Variants in LIPC observed in about 807,000 individuals in gnomAD.
LIPC encodes hepatic triacylglycerol lipase.
In LIPC, 44 loss-of-function variants were observed where a neutral mutation model predicts 50.7. The ratio of observed to expected loss-of-function variants is 0.87; its 90% CI spans 0.68 to 1.11. LIPC has a LOEUF of 1.11. LIPC is among the 50% of genes most tolerant of loss of function. LIPC has a pLI of 0.00. For synonymous variants in LIPC, 271 were observed against 256.4 expected, an observed-to-expected ratio of 1.06 and a Z score of -0.54; for missense variants, 697 against 648.2, an observed-to-expected ratio of 1.08 and a Z score of -0.82.
At chr15:58,490,301 C>T (rs1891541570) in intron 1 of LIPC, among the ~76,000 whole-genome samples, 1 of 152,174 alleles carries the variant, frequency 6.6e-6, no homozygotes, top group Admixed American at 6.5e-5. Context: ...GAGCCGGTCA[C>T]CTCCATAAGG....
intron 1 of LIPC, among the ~76,000 whole-genome samples, chr15:58,455,260 T>C (rs1210297936): frequency 2.6e-5 from 4 of 152,234 alleles, no homozygotes; most frequent in South Asian, 2.1e-4. Flanking sequence ...TTGTAGGCCA[T>C]AGGTGTCTGT....
chr15:58,536,232 G>A (rs1316702797), intron 1 of LIPC, among the ~76,000 whole-genome samples: 1 of 152,178 alleles, frequency 6.6e-6, no homozygotes, highest in Admixed American at 6.5e-5. Flanking sequence ...AGAGCAGGAG[G>A]TGAGGTGCAA....
chr15:58,539,257 G>A (rs1273553971), intron 2 of LIPC, among the ~76,000 whole-genome samples: 1 of 152,210 alleles, frequency 6.6e-6, no homozygotes, highest in Non-Finnish European at 1.5e-5. Flanking sequence ...TCCATTTCAA[G>A]TTTACACAAT....
chr15:58,433,486 C>G (rs916746785), intron 1 of LIPC, among the ~76,000 whole-genome samples: 17 of 152,182 alleles, frequency 1.1e-4, no homozygotes, highest in Non-Finnish European at 2.4e-4. Context: ...TGGCTTCTTT[C>G]GTTCGACATT....
At chr15:58,541,625 C>A in intron 2 of LIPC, 160 bp from the exon 3 acceptor site, 3 of 741,652 alleles carry the variant, frequency 4.0e-6, no homozygotes, top group Non-Finnish European at 4.7e-6. Context: ...CCAAGACAGC[C>A]CCCACAACAA....
At chr15:58,437,387 GA>G (rs559184800) in intron 1 of LIPC, among the ~76,000 whole-genome samples, 72 of 147,744 alleles carry the variant, frequency 4.9e-4, no homozygotes, top group Admixed American at 3.3e-3. Context: ...ATAATGTAGG[GA>G]AAAAAAAACA....
chr15:58,534,665 A>C (rs1303117416), intron 1 of LIPC, among the ~76,000 whole-genome samples: 1 of 152,164 alleles, frequency 6.6e-6, no homozygotes, highest in Non-Finnish European at 1.5e-5. Context: ...GGACCAAAAA[A>C]GTGTGAGTGC....
intron 1 of LIPC, among the ~76,000 whole-genome samples, chr15:58,537,392 G>A (rs951553934): frequency 6.6e-6 from 1 of 152,194 alleles, no homozygotes; most frequent in African/African-American, 2.4e-5. Context: ...ACAACAGAAG[G>A]TGATATGTTA....
chr15:58,551,324 C>A (rs1306591443), intron 6 of LIPC, among the ~76,000 whole-genome samples: 1 of 152,204 alleles, frequency 6.6e-6, no homozygotes, highest in Non-Finnish European at 1.5e-5. Context: ...CTGTTTGAAG[C>A]AGCTGCTCAT....
intron 1 of LIPC, among the ~76,000 whole-genome samples, chr15:58,453,848 C>A (rs1894008309): frequency 6.8e-6 from 1 of 147,440 alleles, no homozygotes; most frequent in Admixed American, 6.8e-5. Flanking sequence ...CATGATCATG[C>A]ACAGCAAGAC....
chr15:58,550,503 TAA>T (rs1893710789), intron 6 of LIPC, among the ~76,000 whole-genome samples: 1 of 152,132 alleles, frequency 6.6e-6, no homozygotes, highest in Non-Finnish European at 1.5e-5. Context: ...CCTTTGTTAT[TAA>T]GGAAGACCAA....
chr15:58,457,851 C>G (rs903472444), intron 1 of LIPC, among the ~76,000 whole-genome samples: 7 of 152,186 alleles, frequency 4.6e-5, no homozygotes, highest in Non-Finnish European at 7.3e-5. Flanking sequence ...TCCTTTTCCA[C>G]TCTATCCCGG....
Position 58,538,379 on chromosome 15 carries a change from G to T in LIPC, c.135G>T (p.Leu45=). The change falls in exon 2 of 9, where the codon CTG becomes CTT. Residue 45 remains leucine (L), a synonymous_variant. Coordinates refer to ENST00000299022, the MANE Select transcript of LIPC (RefSeq NM_000236.3). The part of the protein sequence containing the change: ...RAQAVETNKT[L]HEMKTRFLLF... The stretch of plus-strand genomic sequence containing the variant: ...AAGCTGTTGAAACAAACAAAACGCT[G>T]CATGAGATGAAGACCAGATTCCTGC... 6.2e-7 allele frequency: 1 copy of T among 1,614,188 alleles called. No homozygotes were observed. The highest frequency in any genetic ancestry group is 8.5e-7 in the Non-Finnish European group (1 of 1,180,022).
intron 1 of LIPC, among the ~76,000 whole-genome samples, chr15:58,505,234 C>T (rs913989169): frequency 6.6e-6 from 1 of 152,222 alleles, no homozygotes; most frequent in Non-Finnish European, 1.5e-5. Context: ...CAGGAGCAGA[C>T]GGAGGCCACA....
intron 1 of LIPC, among the ~76,000 whole-genome samples, chr15:58,518,436 T>C (rs1250134925): frequency 6.6e-6 from 1 of 152,172 alleles, no homozygotes; most frequent in Non-Finnish European, 1.5e-5. Context: ...CCACGAAACT[T>C]GGCCGTGAGA....
At chr15:58,550,715 G>C (rs1893718723) in intron 6 of LIPC, among the ~76,000 whole-genome samples, 1 of 151,992 alleles carries the variant, frequency 6.6e-6, no homozygotes, top group Non-Finnish European at 1.5e-5. Flanking sequence ...GTGAGGAGGA[G>C]GTTAAGGGCA....
intron 1 of LIPC, among the ~76,000 whole-genome samples, chr15:58,504,514 C>G (rs1892085391): frequency 6.6e-6 from 1 of 152,140 alleles, no homozygotes; most frequent in Non-Finnish European, 1.5e-5. Flanking sequence ...GAACAGCACT[C>G]AACAGGCCAA....
chr15:58,562,214 C>T (rs1894189819), intron 7 of LIPC, among the ~76,000 whole-genome samples: 1 of 152,208 alleles, frequency 6.6e-6, no homozygotes, highest in Non-Finnish European at 1.5e-5. Flanking sequence ...AGCCCGAACC[C>T]TCACGTCCCT....
At chr15:58,516,737 T>C (rs1055062954) in intron 1 of LIPC, among the ~76,000 whole-genome samples, 2 of 152,264 alleles carry the variant, frequency 1.3e-5, no homozygotes, top group African/African-American at 4.8e-5. Context: ...CCATCTTGAA[T>C]AAATGAAATA....
Sources: gnomAD v4.1 joint callset for allele counts (sites outside exome capture counted in the v4.1 genomes callset) on GRCh38, gnomAD v4.1.1 for gene constraint, MANE v1.5 for transcripts, NCBI Gene and HGNC (gene_info 2026-07-23, HGNC 2026-07-21) for gene names.